Variants in F11R observed in about 807,000 individuals in gnomAD.
The protein encoded by F11R is junctional adhesion molecule A.
F11R carries 27 observed loss-of-function variants against 39.3 expected under a neutral mutation model. The observed-to-expected ratio is 0.69, with a 90% CI of 0.51 to 0.95. The LOEUF is 0.95. Among genes scored for constraint, F11R ranks in the 40% least tolerant of loss-of-function variants. The pLI, the probability that F11R is intolerant of heterozygous loss-of-function variation, is 0.00. For synonymous variants in F11R, 131 were observed against 144.9 expected, an observed-to-expected ratio of 0.90 and a Z score of 0.69; for missense variants, 335 against 372.7, an observed-to-expected ratio of 0.90 and a Z score of 0.83.
chr1:161,013,451 G>A (rs932060366), intron 1 of F11R, among the ~76,000 whole-genome samples: 13 of 152,176 alleles, frequency 8.5e-5, no homozygotes, highest in African/African-American at 2.7e-4. Context: ...ATTAGAACCT[G>A]GACCTAGAGC....
chr1:161,013,839 C>T (rs531719483), intron 1 of F11R, among the ~76,000 whole-genome samples: 38 of 152,312 alleles, frequency 2.5e-4, no homozygotes, highest in African/African-American at 8.9e-4. Context: ...CTCAGCTCCC[C>T]CGCCACCCCA....
At chr1:161,020,061 C>T (rs191748560) in intron 1 of F11R, among the ~76,000 whole-genome samples, 1 of 152,264 alleles carries the variant, frequency 6.6e-6, no homozygotes, top group East Asian at 1.9e-4. Context: ...ACTCACACAA[C>T]GACACGCACA....
rs762946699 is a variant in F11R at position 161,001,606 on chromosome 1, TTC to T, written c.65-255_65-254del. ...ATGCAGTTTCTTTTGCTTCTAATTT[TTC>T]TCTCTGTGACTCCCAATAATCTAAT... On this transcript the variant is annotated intron_variant, in intron 1 of 9. Transcript: ENST00000368026. 1.1e-4 allele frequency among the ~76,000 whole-genome samples: 16 copies of T among 152,376 alleles called. No individual in the cohort carries two copies. In the South Asian group the frequency reaches 2.5e-3, roughly 24 times the overall value.
chr1:161,010,111 G>A (rs1221907613), intron 1 of F11R, among the ~76,000 whole-genome samples: 6 of 149,940 alleles, frequency 4.0e-5, no homozygotes, highest in Admixed American at 6.6e-5. Flanking sequence ...AAGTACTACC[G>A]TTACCATTTC....
intron 1 of F11R, among the ~76,000 whole-genome samples, chr1:161,009,454 G>A (rs1285158544): frequency 1.1e-3 from 151 of 137,516 alleles, no homozygotes; most frequent in Non-Finnish European, 1.8e-3. Context: ...ACCCCCATCT[G>A]TACCAAAAAA....
rs1648150366 is a variant in F11R at position 160,996,773 on chromosome 1, A to G, written c.*2098T>C. 6.6e-6 allele frequency: 1 copy of G among 152,296 alleles called. No homozygotes were observed. The highest frequency in any genetic ancestry group is 1.5e-5 in the Non-Finnish European group (1 of 68,092). 9.4% of individuals were successfully genotyped at this position (152,296 alleles called of 1,614,324 possible). ...AGAGCGAGACTCCGTCTTTAAAAAA[A>G]CAAAACAAAACAAAACAAAAAACAA... On this transcript the variant is annotated 3_prime_UTR_variant, in exon 10 of 10. Coordinates refer to ENST00000368026, the MANE Select transcript of F11R (RefSeq NM_016946.6).
At chr1:161,002,172 G>C (rs2101970606) in intron 1 of F11R, among the ~76,000 whole-genome samples, 1 of 150,508 alleles carries the variant, frequency 6.6e-6, no homozygotes, top group African/African-American at 2.4e-5. Context: ...TGAGGCAGAA[G>C]AGTCGCTTGA....
chr1:161,001,189 C>G (rs1050241073), intron 2 of F11R, 62 bp from the exon 3 acceptor site: 3 of 1,593,276 alleles, frequency 1.9e-6, no homozygotes, highest in Non-Finnish European at 2.6e-6. Context: ...AGATGGGGAA[C>G]AGCCCCAAAC....
intron 1 of F11R, among the ~76,000 whole-genome samples, chr1:161,005,675 C>T (rs1433724565): frequency 6.6e-6 from 1 of 151,916 alleles, no homozygotes; most frequent in Admixed American, 6.6e-5. Flanking sequence ...ACCTGGCCTG[C>T]CCAGCTAACT....
chr1:160,998,478 C>A lies in F11R; in HGVS notation c.*393G>T. On this transcript the variant is annotated 3_prime_UTR_variant, in exon 10 of 10. Coordinates refer to ENST00000368026, the MANE Select transcript of F11R (RefSeq NM_016946.6). ...TGGTCGTCAGTACACAAGGAAAGAG[C>A]CCAGAACCAAGCTCAAGATACCTAT... 1 of 339,532 alleles carries A rather than the reference C, an allele frequency of 2.9e-6. No individual in the cohort carries two copies. Among genetic ancestry groups the A allele is most frequent in the Middle Eastern group, 8.9e-4 (1 of 1,124 alleles). 21.0% of individuals were successfully genotyped at this position (339,532 alleles called of 1,614,324 possible).
In F11R at chr1:160,998,551, G is replaced by A. The variant is rs1006307180; in HGVS notation, c.*320C>T. The A allele has an allele frequency of 5.8e-6, 3 of 517,174 alleles. No individual in the cohort carries two copies. The highest frequency in any genetic ancestry group is 6.9e-6 in the Non-Finnish European group (2 of 290,792). 32.0% of individuals were successfully genotyped at this position (517,174 alleles called of 1,614,324 possible). A position where few individuals can be genotyped will look rare whatever the true frequency, so the allele number is the denominator to read the frequency against. On this transcript the variant is annotated 3_prime_UTR_variant, in exon 10 of 10. Transcript: ENST00000368026. ...TGGGCAGTTGAGTGCAGATTCCTGC[G>A]ACCCCCGCCATTTTTGCTGTCTACT...
intron 1 of F11R, among the ~76,000 whole-genome samples, chr1:161,019,192 A>T (rs1244131194): frequency 6.6e-6 from 1 of 152,164 alleles, no homozygotes; most frequent in Non-Finnish European, 1.5e-5. Flanking sequence ...ACATAACCAA[A>T]AATTGACTAT....
chr1:161,003,723 C>G (rs2101972887), intron 1 of F11R, among the ~76,000 whole-genome samples: 1 of 151,748 alleles, frequency 6.6e-6, no homozygotes, highest in East Asian at 1.9e-4. Flanking sequence ...ATTACAGGCG[C>G]CCGCCACTAC....
chr1:160,999,443 A>G (rs1464425872), intron 7 of F11R, 35 bp from the exon 8 acceptor site: 1 of 1,614,070 alleles, frequency 6.2e-7, no homozygotes, highest in African/African-American at 1.3e-5. Flanking sequence ...GAGTGTCAGC[A>G]GGACAGAAGA....
intron 1 of F11R, among the ~76,000 whole-genome samples, chr1:161,015,403 A>ATATATAT (rs1395106436): frequency 3.0e-5 from 4 of 132,952 alleles, no homozygotes; most frequent in African/African-American, 5.8e-5. Flanking sequence ...ATCTCAAAAA[A>ATATATAT]AAAAATATAT....
intron 1 of F11R, among the ~76,000 whole-genome samples, chr1:161,009,881 T>C (rs564184625): frequency 6.6e-6 from 1 of 152,068 alleles, no homozygotes; most frequent in African/African-American, 2.4e-5. Context: ...AGGTGGAGGC[T>C]GCAGTGAGCT....
chr1:161,006,936 G>C (rs1472611875), intron 1 of F11R, among the ~76,000 whole-genome samples: 1 of 152,042 alleles, frequency 6.6e-6, no homozygotes, highest in East Asian at 1.9e-4. Context: ...AGGCGAAGCA[G>C]GTGGATCACC....
chr1:161,008,367 C>T (rs892267286), intron 1 of F11R, among the ~76,000 whole-genome samples: 16 of 152,180 alleles, frequency 1.1e-4, no homozygotes, highest in African/African-American at 3.6e-4. Context: ...TGGTCGCAGG[C>T]ACCTGTAGTC....
At chr1:161,002,497 G>A (rs970357021) in intron 1 of F11R, 1 of 152,142 alleles carries the variant, frequency 6.6e-6, no homozygotes, top group Non-Finnish European at 1.5e-5. Context: ...CCAGTGACCA[G>A]GGATTCTGGG....
Sources: gnomAD v4.1 joint callset for allele counts (sites outside exome capture counted in the v4.1 genomes callset) on GRCh38, gnomAD v4.1.1 for gene constraint, MANE v1.5 for transcripts, NCBI Gene and HGNC (gene_info 2026-07-23, HGNC 2026-07-21) for gene names.